TRPC4: variants seen among roughly 807,000 people sequenced by gnomAD.
TRPC4 encodes the protein short transient receptor potential channel 4.
Under a neutral mutation model 99.4 loss-of-function variants are expected in TRPC4, and 49 were observed. The ratio of observed to expected loss-of-function variants is 0.49; its 90% CI spans 0.39 to 0.63. The LOEUF (loss-of-function observed/expected upper bound fraction) is 0.63, where lower values mean the gene tolerates loss of function less well. Ranked by LOEUF, TRPC4 falls within the 20% of genes least tolerant of loss-of-function variation. TRPC4 has a pLI of 0.00. For missense variants in TRPC4, 898 were observed against 1,152.9 expected, an observed-to-expected ratio of 0.78 and a Z score of 3.20; for synonymous variants, 454 against 425.9, an observed-to-expected ratio of 1.07 and a Z score of -0.81.
intron 3 of TRPC4, among the ~76,000 whole-genome samples, chr13:37,717,496 T>A (rs542876216): frequency 6.6e-6 from 1 of 152,226 alleles, no homozygotes; most frequent in South Asian, 2.1e-4. Context: ...TTATGAGCTG[T>A]TATGGTCTCA....
chr13:37,832,992 A>C (rs1453448036), intron 1 of TRPC4, among the ~76,000 whole-genome samples: 1 of 151,986 alleles, frequency 6.6e-6, no homozygotes, highest in African/African-American at 2.4e-5. Flanking sequence ...TGCTTCTTAT[A>C]ATTTCTCTCT....
Position 37,675,745 on chromosome 13 carries a change from C to T in TRPC4, c.1235-1378G>A, listed in dbSNP as rs530433918. Among the ~76,000 whole-genome samples, 5 of 152,216 alleles carry T rather than the reference C, an allele frequency of 3.3e-5. No homozygotes were observed. In the South Asian group the frequency reaches 1.0e-3, roughly 32 times the overall value. On this transcript the variant is annotated intron_variant, in intron 4 of 10. Coordinates refer to ENST00000379705, the MANE Select transcript of TRPC4 (RefSeq NM_016179.4). ...ATGTTTGCCATGAAAAGGAGGGCAT[C>T]GATCATGGAGAAAGTTCCATCCCTA...
chr13:37,821,384 C>T (rs1319761238), intron 1 of TRPC4, among the ~76,000 whole-genome samples: 1 of 152,072 alleles, frequency 6.6e-6, no homozygotes, highest in South Asian at 2.1e-4. Flanking sequence ...AAATAGGATA[C>T]TGCCCAAAGC....
At chr13:37,786,372 G>A (rs888938944) in intron 1 of TRPC4, among the ~76,000 whole-genome samples, 1 of 150,454 alleles carries the variant, frequency 6.6e-6, no homozygotes, top group African/African-American at 2.4e-5. Context: ...AACTTTGATG[G>A]CTAAAACCTT....
In TRPC4 at chr13:37,635,702, A is replaced by G. The variant is rs1951495694; in HGVS notation, c.*1201T>C. Among the ~76,000 whole-genome samples the G allele has an allele frequency of 6.6e-6, 1 of 152,150 alleles. No individual in the cohort carries two copies. Among genetic ancestry groups the G allele is most frequent in the African/African-American group, 2.4e-5 (1 of 41,444 alleles). On this transcript the variant is annotated 3_prime_UTR_variant, in exon 11 of 11. Transcript: ENST00000379705. ...AAAATTTAAGCTTTAAGTTTCTAGT[A>G]TCAATTTTATGTAAGTTGCGAACAC...
rs1956352564 is a variant in TRPC4 at position 37,765,931 on chromosome 13, TA to T, written c.378+17024del. ...AATAATTCCATAGTTTACTTTGAAA[TA>T]AAAACAAGTCCTTTAGAGATTAAAA... On this transcript the variant is annotated intron_variant, in intron 2 of 10. Coordinates refer to ENST00000379705, the MANE Select transcript of TRPC4 (RefSeq NM_016179.4). 2.0e-5 allele frequency among the ~76,000 whole-genome samples: 3 copies of T among 151,282 alleles called. No homozygotes were observed. The South Asian group carries it at 6.2e-4, about 31-fold the overall frequency.
intron 1 of TRPC4, among the ~76,000 whole-genome samples, chr13:37,855,296 G>GATATATATAT (rs139637183): frequency 5.1e-4 from 71 of 140,478 alleles, no homozygotes; most frequent in African/African-American, 1.8e-3. Context: ...ATACAATGTA[G>GATATATATAT]ATATATATAT....
At chr13:37,854,985 A>G (rs1959148260) in intron 1 of TRPC4, 1 of 151,954 alleles carries the variant, frequency 6.6e-6, no homozygotes, top group Non-Finnish European at 1.5e-5. Flanking sequence ...GTCTCTATTT[A>G]TCAATAACAA....
intron 8 of TRPC4, among the ~76,000 whole-genome samples, chr13:37,650,612 T>TACACACACACACACACACAC (rs57068516): frequency 0.02 from 2,740 of 140,222 alleles, 36 homozygotes; most frequent in African/African-American, 0.03. Context: ...TCTCTCTCTA[T>TACACACACACACACACACAC]ACACACACAC....
At chr13:37,766,357 T>A (rs1490796194) in intron 2 of TRPC4, among the ~76,000 whole-genome samples, 2 of 151,424 alleles carry the variant, frequency 1.3e-5, no homozygotes, top group African/African-American at 4.8e-5. Context: ...AGCAATTCTT[T>A]ATGGTAATAG....
intron 7 of TRPC4, among the ~76,000 whole-genome samples, chr13:37,652,625 CTCTT>C (rs1366026901): frequency 1.0e-3 from 1 of 974 alleles, no homozygotes; most frequent in Non-Finnish European, 5.6e-3. Flanking sequence ...CCTTTCCTTT[CTCTT>C]TCTTTCTAGA....
intron 2 of TRPC4, 43 bp downstream of exon 2, chr13:37,782,913 T>G: frequency 7.1e-7 from 1 of 1,417,918 alleles, no homozygotes; most frequent in Non-Finnish European, 9.2e-7. Flanking sequence ...ACAAAAAACC[T>G]TCTGCAGGTA....
intron 2 of TRPC4, among the ~76,000 whole-genome samples, chr13:37,747,868 A>T (rs929046884): frequency 6.6e-6 from 1 of 152,128 alleles, no homozygotes; most frequent in Admixed American, 6.6e-5. Context: ...GCCTGTTAAG[A>T]TAGTGTTTTA....
chr13:37,663,460 G>C lies in TRPC4; in HGVS notation c.1644C>G (p.Thr548=), dbSNP rs1952524677. ...GCTTTTCACATCTTATGCCTTTGCA[G>C]GTTAACCCTTTCGTTTCTTCATAAT... ...YFYYEETKGL[T]CKGIRCEKQN... Residue 548 remains threonine (T), a synonymous_variant, in exon 6 of 11, where the codon ACC becomes ACG. Coordinates refer to ENST00000379705, the MANE Select transcript of TRPC4 (RefSeq NM_016179.4). 1.9e-6 allele frequency: 3 copies of C among 1,613,976 alleles called. No homozygotes were observed. Among genetic ancestry groups the C allele is most frequent in the African/African-American group, 2.7e-5 (2 of 74,924 alleles).
chr13:37,762,704 C>A (rs542520346), intron 2 of TRPC4, among the ~76,000 whole-genome samples: 1 of 110,582 alleles, frequency 9.0e-6, no homozygotes, highest in East Asian at 2.9e-4. Context: ...ACATCACACT[C>A]TGGGGACTGT....
chr13:37,703,263 A>G (rs538010730), intron 3 of TRPC4, among the ~76,000 whole-genome samples: 5 of 152,176 alleles, frequency 3.3e-5, no homozygotes, highest in Non-Finnish European at 5.9e-5. Flanking sequence ...ATAAAATTCA[A>G]TAAGTTCACA....
intron 2 of TRPC4, among the ~76,000 whole-genome samples, chr13:37,782,150 A>G (rs1444673370): frequency 6.6e-6 from 1 of 152,114 alleles, no homozygotes; most frequent in Non-Finnish European, 1.5e-5. Flanking sequence ...AAAGGATCAA[A>G]TAGATAATTC....
chr13:37,827,379 CT>C (rs1958260952), intron 1 of TRPC4, among the ~76,000 whole-genome samples: 1 of 152,130 alleles, frequency 6.6e-6, no homozygotes, highest in Admixed American at 6.5e-5. Context: ...TTTTTCTGCT[CT>C]GTTTTTTCCC....
In TRPC4 at chr13:37,807,858, C is replaced by T. The variant is rs182022821; in HGVS notation, c.-27-24498G>A. 1.8e-3 allele frequency among the ~76,000 whole-genome samples: 280 copies of T among 152,052 alleles called. 1 individual carries two copies. Among genetic ancestry groups the T allele is most frequent in the Middle Eastern group, 0.01 (3 of 294 alleles). The stretch of plus-strand genomic sequence containing the variant: ...TCTGTAGTCATATTTTGAGATCTTC[C>T]ATTAAAGATATAAATTTAGGTTTGC... On this transcript the variant is annotated intron_variant, in intron 1 of 10. Transcript: ENST00000379705.
Sources: allele counts gnomAD v4.1 joint callset (sites outside exome capture counted in the v4.1 genomes callset), GRCh38; gene constraint gnomAD v4.1.1; transcripts MANE v1.5; gene names NCBI Gene and HGNC (gene_info 2026-07-23, HGNC 2026-07-21).